The following IMMP2L variants were observed in gnomAD, a reference collection of about 807,000 sequenced individuals.
The protein encoded by IMMP2L is mitochondrial inner membrane protease subunit 2.
A neutral mutation model predicts 19.3 loss-of-function variants in IMMP2L; 18 were observed. The observed-to-expected ratio is 0.93, with a 90% CI of 0.64 to 1.38. The LOEUF is 1.38. IMMP2L is among the 40% of genes most tolerant of loss of function. IMMP2L has a pLI of 0.00. For synonymous variants in IMMP2L, 76 were observed against 73.0 expected, an observed-to-expected ratio of 1.04 and a Z score of -0.21; for missense variants, 233 against 218.2, an observed-to-expected ratio of 1.07 and a Z score of -0.43.
chr7:111,464,525 A>G (rs1350673017), intron 3 of IMMP2L, among the ~76,000 whole-genome samples: 1 of 152,198 alleles, frequency 6.6e-6, no homozygotes, highest in Admixed American at 6.5e-5. Context: ...CAGGACAGCT[A>G]TGTGAAATAT....
chr7:111,499,033 C>A (rs1843877811), intron 2 of IMMP2L, among the ~76,000 whole-genome samples: 1 of 152,130 alleles, frequency 6.6e-6, no homozygotes, highest in South Asian at 2.1e-4. Context: ...AAACAAAAAT[C>A]ATTTATTGGT....
intron 3 of IMMP2L, among the ~76,000 whole-genome samples, chr7:111,179,608 A>AT (rs1807481974): frequency 6.6e-6 from 1 of 152,064 alleles, no homozygotes; most frequent in Non-Finnish European, 1.5e-5. Context: ...GGCAACGAGC[A>AT]TTGGCTTCAA....
intron 3 of IMMP2L, among the ~76,000 whole-genome samples, chr7:111,240,554 G>C (rs1381959307): frequency 6.6e-6 from 1 of 151,876 alleles, no homozygotes; most frequent in Non-Finnish European, 1.5e-5. Context: ...AGAACCAGCT[G>C]CAAAAACTGA....
chr7:111,425,288 T>TAAAAAAA, intron 3 of IMMP2L, among the ~76,000 whole-genome samples: 1 of 151,288 alleles, frequency 6.6e-6, no homozygotes, highest in Non-Finnish European at 1.5e-5. Context: ...ATGAGAGGAC[T>TAAAAAAA]TTCTGGGATG....
chr7:111,525,099 A>G lies in IMMP2L; in HGVS notation c.-2-3650T>C, dbSNP rs896087981. Among the ~76,000 whole-genome samples the G allele has an allele frequency of 3.9e-5, 6 of 152,182 alleles. 1 individual carries two copies. The highest frequency in any genetic ancestry group is 2.6e-4 in the Admixed American group (4 of 15,274). On this transcript the variant is annotated intron_variant, in intron 1 of 5. Transcript: ENST00000405709. Reference sequence around the variant, plus strand: ...CAATCTGAAAATCACATAAACATACATAAGAGTTGTAATAAGTGCTATAAG... The same window carrying G: ...CAATCTGAAAATCACATAAACATACGTAAGAGTTGTAATAAGTGCTATAAG...
rs1418554995 is a variant in IMMP2L, at chr7:110,757,524, G to A, written c.409-93803C>T. Among the ~76,000 whole-genome samples, 2 of 151,960 alleles carry A rather than the reference G, an allele frequency of 1.3e-5. No homozygotes were observed. Among genetic ancestry groups the A allele is most frequent in the East Asian group, 1.9e-4 (1 of 5,162 alleles). On this transcript the variant is annotated intron_variant, in intron 5 of 5. Coordinates refer to ENST00000405709, the MANE Select transcript of IMMP2L (RefSeq NM_032549.4). The surrounding 1 kb of genome is among the most constrained non-coding windows in gnomAD (Gnocchi z 4.2). ...GTGGATTGTAGTAGTGGGCTCCTTTGCCCTCTGGCTTCCGATTTGGTACAC... is the reference window on the plus strand; with the variant it reads ...GTGGATTGTAGTAGTGGGCTCCTTTACCCTCTGGCTTCCGATTTGGTACAC...
intron 5 of IMMP2L, among the ~76,000 whole-genome samples, chr7:110,770,218 A>G (rs1349933532): frequency 1.3e-5 from 2 of 152,188 alleles, no homozygotes; most frequent in African/African-American, 4.8e-5. Context: ...TAAAGAACTC[A>G]GGGGATGGAA....
At chr7:110,901,529 C>T (rs1475344364) in intron 4 of IMMP2L, among the ~76,000 whole-genome samples, 2 of 152,120 alleles carry the variant, frequency 1.3e-5, no homozygotes, top group Non-Finnish European at 2.9e-5. Context: ...CAGTGCTACA[C>T]TTACTTTGTG....
chr7:111,435,391 T>C (rs1162613777), intron 3 of IMMP2L, among the ~76,000 whole-genome samples: 1 of 151,800 alleles, frequency 6.6e-6, no homozygotes, highest in Non-Finnish European at 1.5e-5. Context: ...GCAACATGGA[T>C]AGAACTGGAG....
Position 111,249,642 on chromosome 7 carries a change from CA to C in IMMP2L, c.239+237595del, listed in dbSNP as rs571549671. Among the ~76,000 whole-genome samples the C allele has an allele frequency of 4.5e-4, 68 of 152,270 alleles. 1 individual carries two copies. The South Asian group carries it at 0.014, about 31-fold the overall frequency. On this transcript the variant is annotated intron_variant, in intron 3 of 5. Transcript: ENST00000405709. ...TCATATTTGTAATTCATCACATAAA[CA>C]GAACTAAAGGCAAAAAACACATGAT...
intron 3 of IMMP2L, among the ~76,000 whole-genome samples, chr7:111,400,113 C>T (rs1295749292): frequency 2.0e-5 from 3 of 152,036 alleles, no homozygotes; most frequent in African/African-American, 7.2e-5. Flanking sequence ...CCCTTATCAC[C>T]TTATATTTCT....
chr7:110,822,913 G>A (rs1209671984), intron 5 of IMMP2L, among the ~76,000 whole-genome samples: 2 of 152,028 alleles, frequency 1.3e-5, no homozygotes, highest in Non-Finnish European at 2.9e-5. Context: ...TCTTATTCAA[G>A]GCTGGGGCCC....
intron 4 of IMMP2L, among the ~76,000 whole-genome samples, chr7:110,887,882 A>T (rs1012544537): frequency 1.3e-5 from 2 of 152,162 alleles, no homozygotes; most frequent in African/African-American, 4.8e-5. Context: ...TGAGCTTGGC[A>T]TACATACTGT....
intron 4 of IMMP2L, among the ~76,000 whole-genome samples, chr7:110,909,492 G>T (rs1684551567): frequency 6.6e-6 from 1 of 152,116 alleles, no homozygotes; most frequent in African/African-American, 2.4e-5. Flanking sequence ...AACTTCTAAT[G>T]CAGTGAAAGC....
intron 3 of IMMP2L, among the ~76,000 whole-genome samples, chr7:111,458,162 G>A (rs1839835422): frequency 6.6e-6 from 1 of 152,014 alleles, no homozygotes; most frequent in African/African-American, 2.4e-5. Context: ...GTGGGTCACT[G>A]GAGGTCAGGA....
intron 5 of IMMP2L, among the ~76,000 whole-genome samples, chr7:110,734,147 G>A (rs768036266): frequency 3.9e-5 from 6 of 152,194 alleles, no homozygotes; most frequent in South Asian, 4.1e-4. Flanking sequence ...CATGAACAGA[G>A]GGGCATTGAG....
Position 110,899,282 on chromosome 7 carries a change from C to T in IMMP2L, c.306-12587G>A, listed in dbSNP as rs145015662. Among the ~76,000 whole-genome samples, 4 of 152,210 alleles carry T rather than the reference C, an allele frequency of 2.6e-5. No individual in the cohort carries two copies. The East Asian group carries it at 5.8e-4, about 22-fold the overall frequency. ...ATTTGAATTGGAATCCTTCGTTTTA[C>T]GTGACCAATGGTGCAAAATAATAGA... On this transcript the variant is annotated intron_variant, in intron 4 of 5. Coordinates refer to ENST00000405709, the MANE Select transcript of IMMP2L (RefSeq NM_032549.4).
At chr7:110,714,934 T>G (rs1584587736) in intron 5 of IMMP2L, among the ~76,000 whole-genome samples, 1 of 152,270 alleles carries the variant, frequency 6.6e-6, no homozygotes, top group East Asian at 1.9e-4. Context: ...TTGTTACTGA[T>G]TCAATTTTGG....
intron 3 of IMMP2L, among the ~76,000 whole-genome samples, chr7:111,079,740 G>C (rs1166813223): frequency 1.3e-5 from 2 of 152,144 alleles, no homozygotes; most frequent in Non-Finnish European, 2.9e-5. Context: ...CCTATGGTTT[G>C]AATGTGTCCC....
Sources: gnomAD v4.1 joint callset for allele counts (sites outside exome capture counted in the v4.1 genomes callset) on GRCh38, gnomAD v4.1.1 for gene constraint, Gnocchi (gnomAD v3.1) non-coding constraint, MANE v1.5 for transcripts, NCBI Gene and HGNC (gene_info 2026-07-23, HGNC 2026-07-21) for gene names.